TBC1D5: variants seen among roughly 807,000 people sequenced by gnomAD.
TBC1D5 encodes the protein TBC1 domain family member 5.
Under a neutral mutation model 100.3 loss-of-function variants are expected in TBC1D5, and 75 were observed. The observed-to-expected ratio is 0.75, with a 90% CI of 0.62 to 0.91. The LOEUF is 0.91. TBC1D5 is among the 40% of genes least tolerant of loss of function. TBC1D5 has a pLI of 0.00. For missense variants in TBC1D5, 910 were observed against 942.4 expected, an observed-to-expected ratio of 0.97 and a Z score of 0.45; for synonymous variants, 323 against 325.6, an observed-to-expected ratio of 0.99 and a Z score of 0.09.
intron 2 of TBC1D5, among the ~76,000 whole-genome samples, chr3:17,524,847 A>T (rs1282629980): frequency 6.6e-6 from 1 of 152,096 alleles, no homozygotes; most frequent in Non-Finnish European, 1.5e-5. Flanking sequence ...CTGAGTGACA[A>T]GACAAACTCC....
At chr3:17,280,559 C>A (rs1308137388) in intron 15 of TBC1D5, among the ~76,000 whole-genome samples, 1 of 152,140 alleles carries the variant, frequency 6.6e-6, no homozygotes, top group East Asian at 1.9e-4. Context: ...GGTTTGACGT[C>A]AAAGAGAAGC....
chr3:17,527,323 C>A (rs555910157), intron 2 of TBC1D5, among the ~76,000 whole-genome samples: 1 of 152,124 alleles, frequency 6.6e-6, no homozygotes, highest in South Asian at 2.1e-4. Flanking sequence ...GAGCATGCTG[C>A]GAACAGCAAA....
intron 19 of TBC1D5, among the ~76,000 whole-genome samples, chr3:17,169,123 T>A (rs959913623): frequency 2.0e-5 from 3 of 152,202 alleles, no homozygotes; most frequent in African/African-American, 7.2e-5. Flanking sequence ...TACCATACCA[T>A]CATTTCACTG....
At chr3:17,702,210 A>G (rs889392946) in intron 1 of TBC1D5, 1 of 152,188 alleles carries the variant, frequency 6.6e-6, no homozygotes, top group African/African-American at 2.4e-5. Flanking sequence ...TCTTCCAAGC[A>G]CAACAGATTC....
intron 2 of TBC1D5, among the ~76,000 whole-genome samples, chr3:17,584,228 T>C (rs2096718446): frequency 6.6e-6 from 1 of 152,226 alleles, no homozygotes; most frequent in Non-Finnish European, 1.5e-5. Flanking sequence ...TAAGGTACTT[T>C]ACTTTGGCAT....
intron 4 of TBC1D5, among the ~76,000 whole-genome samples, chr3:17,423,358 A>T (rs1235242769): frequency 6.6e-6 from 1 of 152,124 alleles, no homozygotes; most frequent in African/African-American, 2.4e-5. Flanking sequence ...CAGTCTATAA[A>T]TTTTTTAAGT....
chr3:17,291,743 T>C, intron 15 of TBC1D5, 152 bp downstream of exon 15: 2 of 619,392 alleles, frequency 3.2e-6, no homozygotes, highest in East Asian at 2.9e-5. Context: ...ATGAGGTATA[T>C]GGGTTTTGGC....
chr3:17,531,783 T>C (rs1320763945), intron 2 of TBC1D5, among the ~76,000 whole-genome samples: 4 of 152,226 alleles, frequency 2.6e-5, no homozygotes, highest in Non-Finnish European at 5.9e-5. Flanking sequence ...GCTAGCCGTA[T>C]GTAGAAAGCT....
At chr3:17,580,026 AT>A (rs1454887173) in intron 2 of TBC1D5, among the ~76,000 whole-genome samples, 1 of 152,128 alleles carries the variant, frequency 6.6e-6, no homozygotes, top group East Asian at 1.9e-4. Flanking sequence ...GCATCCGTAG[AT>A]TTTTTACAAT....
At chr3:17,291,725 G>A (rs1366793415) in intron 15 of TBC1D5, among the ~76,000 whole-genome samples, 170 bp downstream of exon 15, 2 of 152,218 alleles carry the variant, frequency 1.3e-5, no homozygotes, top group Non-Finnish European at 2.9e-5. Flanking sequence ...CTGTTGAGTT[G>A]CTGGCCAATG....
intron 1 of TBC1D5, among the ~76,000 whole-genome samples, chr3:17,688,942 G>A (rs1443076385): frequency 6.6e-6 from 1 of 152,004 alleles, no homozygotes; most frequent in East Asian, 1.9e-4. Context: ...AAACTATCTT[G>A]AATTGTCCCG....
At chr3:17,425,057 A>AT (rs1445324749) in intron 4 of TBC1D5, among the ~76,000 whole-genome samples, 1 of 152,086 alleles carries the variant, frequency 6.6e-6, no homozygotes, top group African/African-American at 2.4e-5. Context: ...TGTAAAACAT[A>AT]TTTTTTCCTT....
Position 17,200,770 on chromosome 3 carries a change from G to A in TBC1D5, c.1752+13437C>T, listed in dbSNP as rs2071365580. Reference sequence around the variant, plus strand: ...CACTGTAACATCACGGCTGAATAGGGTTTTAGTTGTTTTTTCAGATGTTTT... The same window carrying A: ...CACTGTAACATCACGGCTGAATAGGATTTTAGTTGTTTTTTCAGATGTTTT... On this transcript the variant is annotated intron_variant, in intron 18 of 21. Transcript: ENST00000253692. 2.0e-5 allele frequency among the ~76,000 whole-genome samples: 3 copies of A among 152,274 alleles called. No individual in the cohort carries two copies. In the South Asian group the frequency reaches 6.2e-4, roughly 32 times the overall value.
chr3:17,251,436 C>T (rs79465466), intron 16 of TBC1D5, among the ~76,000 whole-genome samples: 3,491 of 143,998 alleles, frequency 0.024, 172 homozygotes, highest in African/African-American at 0.083. Flanking sequence ...CCCCCCCCCC[C>T]CCAGTAGAAG....
At chr3:17,403,212 G>T (rs1259659894) in exon 8 of TBC1D5, 1 of 1,591,490 alleles carries the variant, frequency 6.3e-7, no homozygotes, top group Non-Finnish European at 8.6e-7. Flanking sequence ...ATCATTGATC[G>T]AAGTTCTTTA....
intron 1 of TBC1D5, chr3:17,705,993 T>TC: frequency 1.4e-6 from 2 of 1,474,092 alleles, no homozygotes; most frequent in Non-Finnish European, 1.8e-6. Flanking sequence ...CTTTTTTTTT[T>TC]TTGAGACGGA....
At chr3:17,564,566 A>C (rs577365785) in intron 2 of TBC1D5, among the ~76,000 whole-genome samples, 1 of 152,286 alleles carries the variant, frequency 6.6e-6, no homozygotes, top group South Asian at 2.1e-4. Context: ...ATTTGAACTG[A>C]TTCTTGAAGA....
At chr3:17,180,820 C>T (rs1393866506) in intron 19 of TBC1D5, among the ~76,000 whole-genome samples, 1 of 149,284 alleles carries the variant, frequency 6.7e-6, no homozygotes, top group African/African-American at 2.5e-5. Flanking sequence ...GTACAATGTA[C>T]ACTATTTGGG....
intron 2 of TBC1D5, among the ~76,000 whole-genome samples, chr3:17,531,215 G>T (rs1234652627): frequency 6.6e-6 from 1 of 152,192 alleles, no homozygotes; most frequent in Non-Finnish European, 1.5e-5. Context: ...GCCAAGTCAT[G>T]AGTGAACTCC....
Sources: gnomAD v4.1 joint callset for allele counts (sites outside exome capture counted in the v4.1 genomes callset) on GRCh38, gnomAD v4.1.1 for gene constraint, MANE v1.5 for transcripts, NCBI Gene and HGNC (gene_info 2026-07-23, HGNC 2026-07-21) for gene names.